Variants in ZNF48 observed in about 807,000 individuals in gnomAD.
The protein encoded by ZNF48 is zinc finger protein 48.
In ZNF48, 20 loss-of-function variants were observed where a neutral mutation model predicts 40.0. The observed-to-expected ratio is 0.50, with a 90% confidence interval of 0.35 to 0.73. The LOEUF (loss-of-function observed/expected upper bound fraction) is 0.73. ZNF48 is among the 30% of genes least tolerant of loss of function. The pLI is 0.01. For synonymous variants in ZNF48, 298 were observed against 329.7 expected (o/e 0.90, Z 1.04); for missense variants, 726 against 851.9 (o/e 0.85, Z 1.84).
chr16:30,395,155 G>A (rs1271202995), upstream of ZNF48: 6 of 451,400 alleles, frequency 1.3e-5, no homozygotes, highest in Non-Finnish European at 2.7e-5. This position sits in a 1 kb window ranked among gnomAD's most constrained non-coding sequence, Gnocchi z 5.9. Flanking sequence ...GCTGTCGGCC[G>A]GCCGGGGAGG....
chr16:30,399,286 G>C lies in ZNF48; in HGVS notation c.*179G>C, dbSNP rs901706086. On this transcript the variant is annotated 3_prime_UTR_variant, in exon 3 of 3. Coordinates refer to ENST00000613509, the MANE Select transcript of ZNF48 (RefSeq NM_001214909.2). ...GAAGCTCAGGAAACTGTCCTGGCTG[G>C]GCTGAGTCAGGACCTTGCCAGGACG... 1.5e-6 allele frequency: 1 copy of C among 659,026 alleles called. No homozygotes were observed. Among genetic ancestry groups the C allele is most frequent in the Non-Finnish European group, 2.5e-6 (1 of 407,148 alleles). 40.8% of individuals were successfully genotyped at this position (659,026 alleles called of 1,614,324 possible). A position where few individuals can be genotyped will look rare whatever the true frequency, so the allele number is the denominator to read the frequency against.
chr16:30,397,143 T>C lies in ZNF48; in HGVS notation c.80-187T>C, dbSNP rs1425269485. 6.6e-6 allele frequency among the ~76,000 whole-genome samples: 1 copy of C among 152,108 alleles called. No homozygotes were observed. Among genetic ancestry groups the C allele is most frequent in the Non-Finnish European group, 1.5e-5 (1 of 68,014 alleles). ...GCTGAGTTTGGTGAATGACATACAT[T>C]AAGGGCACAGTAAAAAGAAGTTTTT... On this transcript the variant is annotated intron_variant, in intron 2 of 2. Transcript: ENST00000613509. The surrounding 1 kb of genome is among the most constrained non-coding windows in gnomAD (Gnocchi z 4.1).
At chr16:30,378,466 G>A (rs1326611332) in intron 1 of ZNF48, 1 of 1,576,264 alleles carries the variant, frequency 6.3e-7, no homozygotes, top group Non-Finnish European at 8.6e-7. Flanking sequence ...CCCTGGGCCT[G>A]GCTCTGCTGC....
intron 1 of ZNF48, chr16:30,378,726 G>C: frequency 6.3e-7 from 1 of 1,598,824 alleles, no homozygotes; most frequent in South Asian, 1.1e-5. Flanking sequence ...AAGGGGACAG[G>C]AATCAGGAGC....
upstream of ZNF48, among the ~76,000 whole-genome samples, chr16:30,391,082 T>A (rs1179869045): frequency 6.6e-6 from 1 of 152,126 alleles, no homozygotes; most frequent in East Asian, 1.9e-4. Context: ...GCTTTCCTAA[T>A]ATGTAAACTC....
intron 1 of ZNF48, among the ~76,000 whole-genome samples, chr16:30,387,964 C>CT (rs779632723): frequency 2.3e-3 from 330 of 146,048 alleles, no homozygotes; most frequent in Non-Finnish European, 2.9e-3. Flanking sequence ...TTCTCTACAT[C>CT]TTTTTTTTTT....
upstream of ZNF48, among the ~76,000 whole-genome samples, chr16:30,393,898 T>C (rs1386000234): frequency 6.6e-6 from 1 of 152,048 alleles, no homozygotes; most frequent in East Asian, 1.9e-4. Flanking sequence ...TGTTTTTTTT[T>C]TGTAGAGACA....
intron 1 of ZNF48, among the ~76,000 whole-genome samples, chr16:30,384,881 AAAAT>A (rs1169749511): frequency 2.6e-5 from 4 of 151,962 alleles, no homozygotes; most frequent in Non-Finnish European, 4.4e-5. Flanking sequence ...CCGTCTCAAA[AAAAT>A]AAATAAGTAG....
In ZNF48 at chr16:30,395,970, TGAGCTGTGC is replaced by T; in HGVS notation, c.79+98_79+106del. 7.8e-7 allele frequency: 1 copy of T among 1,288,410 alleles called. No individual in the cohort carries two copies. The allele number at this position is 1,288,410 out of a possible 1,614,324, so 79.8% of individuals were successfully genotyped here. On this transcript the variant is annotated intron_variant, in intron 2 of 2. Coordinates refer to ENST00000613509, the MANE Select transcript of ZNF48 (RefSeq NM_001214909.2). The surrounding 1 kb of genome is among the most constrained non-coding windows in gnomAD (Gnocchi z 5.9). ...GGCCGAGATCCTGGAAGATCGGACG[TGAGCTGTGC>T]CTCTGGGGAGATAGGGGGAGGGGAG...
In ZNF48 at chr16:30,398,684, CT is replaced by C; in HGVS notation, c.1435del (p.Tyr479ThrfsTer118). 2 of 1,613,674 alleles carry C rather than the reference CT, an allele frequency of 1.2e-6. No homozygotes were observed. Among genetic ancestry groups the C allele is most frequent in the Non-Finnish European group, 1.7e-6 (2 of 1,179,924 alleles). On this transcript the variant is annotated frameshift_variant, in exon 3 of 3. Transcript: ENST00000613509. LOFTEE classifies it high-confidence loss of function. This position sits in a 1 kb window ranked among gnomAD's most constrained non-coding sequence, Gnocchi z 6.6. The part of the protein sequence containing the change: ...HHRVHTGEKP[Y>X]LCPECGKGFA... ...ATCGTGTGCACACAGGGGAGAAACC[CT>C]ACCTCTGTCCTGAATGCGGCAAGGG...
At chr16:30,378,976 C>G in intron 1 of ZNF48, 3 of 1,586,686 alleles carry the variant, frequency 1.9e-6, no homozygotes, top group Non-Finnish European at 2.6e-6. Flanking sequence ...ATGGGTGAGG[C>G]GGGACCTTGG....
rs576984658 is a variant in ZNF48 at position 30,383,106 on chromosome 16, C to T, written c.-16+4696C>T. ...CTGAGGTGGGAGGATTGCATGAGCC[C>T]AGAAGATCAAGACTGCAGTGAGCTG... On this transcript the variant is annotated intron_variant, in intron 1 of 2. Coordinates refer to the ZNF48 transcript ENST00000528032. 672 of 430,308 alleles carry T rather than the reference C, an allele frequency of 1.6e-3. 2 individuals are homozygous for T. The highest frequency in any genetic ancestry group is 1.7e-3 in the Non-Finnish European group (390 of 229,926). 26.7% of individuals were successfully genotyped at this position (430,308 alleles called of 1,614,324 possible).
intron 1 of ZNF48, chr16:30,380,171 T>C: frequency 1.7e-6 from 1 of 596,358 alleles, no homozygotes. Flanking sequence ...TGGGGAGAGA[T>C]GGACATACAG....
chr16:30,378,946 C>G (rs1341459362), intron 1 of ZNF48: 1 of 1,481,716 alleles, frequency 6.7e-7, no homozygotes, highest in Non-Finnish European at 9.2e-7. Flanking sequence ...GTGGTGGGGA[C>G]GAGTCCTCAG....
At chr16:30,393,036 C>T (rs751576412), upstream of ZNF48, among the ~76,000 whole-genome samples, 24 of 152,284 alleles carry the variant, frequency 1.6e-4, no homozygotes, top group South Asian at 6.2e-4. Flanking sequence ...AACTAGAACC[C>T]TTCCTGTTCT....
exon 1 of ZNF48, chr16:30,378,374 G>A: frequency 6.9e-7 from 1 of 1,450,808 alleles, no homozygotes; most frequent in Non-Finnish European, 9.2e-7. Flanking sequence ...GTGGGGCGCG[G>A]GGATTGGACA....
At chr16:30,394,175 C>T (rs2049962492), upstream of ZNF48, among the ~76,000 whole-genome samples, 1 of 152,162 alleles carries the variant, frequency 6.6e-6, no homozygotes, top group Non-Finnish European at 1.5e-5. Flanking sequence ...GGCAGGCCAC[C>T]AGGCCCAGCT....
Position 30,382,935 on chromosome 16 carries a change from A to C in ZNF48, c.-16+4525A>C. ...TCGCCTGTAATCTCAGCACTTTGGGAGGCGGAGGAGGGAGGACAGCTTGAG... is the reference window on the plus strand; with the variant it reads ...TCGCCTGTAATCTCAGCACTTTGGGCGGCGGAGGAGGGAGGACAGCTTGAG... On this transcript the variant is annotated intron_variant, in intron 1 of 2. Coordinates refer to the ZNF48 transcript ENST00000528032. The surrounding 1 kb of genome is among the most constrained non-coding windows in gnomAD (Gnocchi z 4.8). 1 of 721,810 alleles carries C rather than the reference A, an allele frequency of 1.4e-6. No homozygotes were observed. Among genetic ancestry groups the C allele is most frequent in the Non-Finnish European group, 2.4e-6 (1 of 415,540 alleles). 44.7% of individuals were successfully genotyped at this position (721,810 alleles called of 1,614,324 possible). A position where few individuals can be genotyped will look rare whatever the true frequency, so the allele number is the denominator to read the frequency against.
Position 30,395,565 on chromosome 16 carries a change from A to G in ZNF48, c.-29A>G. On this transcript the variant is annotated 5_prime_UTR_variant, in exon 1 of 3. Transcript: ENST00000613509. This position sits in a 1 kb window ranked among gnomAD's most constrained non-coding sequence, Gnocchi z 5.9. ...GAGGGCGCCGGGGTGGCGGAGCCGG[A>G]GGCGGCCGGCAAGGTGAGAGCGGCG... is the stretch of plus-strand genomic sequence containing the variant. The G allele has an allele frequency of 4.4e-6, 1 of 226,514 alleles. No individual in the cohort carries two copies. Among genetic ancestry groups the G allele is most frequent in the Non-Finnish European group, 8.3e-6 (1 of 120,848 alleles). 14.0% of individuals were successfully genotyped at this position (226,514 alleles called of 1,614,324 possible).
Sources: gnomAD v4.1 joint callset for allele counts (sites outside exome capture counted in the v4.1 genomes callset) on GRCh38, gnomAD v4.1.1 for gene constraint, Gnocchi (gnomAD v3.1) non-coding constraint, MANE v1.5 for transcripts, NCBI Gene and HGNC (gene_info 2026-07-23, HGNC 2026-07-21) for gene names.